SCUBE2: variants seen among roughly 807,000 people sequenced by gnomAD.
SCUBE2 encodes the protein signal peptide, CUB domain and EGF like domain containing 2.
A neutral mutation model predicts 125.9 loss-of-function variants in SCUBE2; 114 were observed. The ratio of observed to expected loss-of-function variants is 0.91; its 90% CI spans 0.78 to 1.06. The LOEUF is 1.06. SCUBE2 is among the 50% of genes least tolerant of loss of function. The pLI is 0.00. For synonymous variants in SCUBE2, 459 were observed against 492.9 expected (o/e 0.93, Z 0.91); for missense variants, 1,255 against 1,301.8 (o/e 0.96, Z 0.55).
chr11:9,057,719 G>T (rs1468999276), intron 9 of SCUBE2, among the ~76,000 whole-genome samples: 4 of 152,038 alleles, frequency 2.6e-5, no homozygotes, highest in Admixed American at 6.5e-5. Context: ...TTTTAGTAGA[G>T]ACGGGGTTTT....
At chr11:9,067,813 A>G (rs1399334678) in intron 5 of SCUBE2, among the ~76,000 whole-genome samples, 2 of 152,242 alleles carry the variant, frequency 1.3e-5, no homozygotes. Context: ...GAGCAGTGAT[A>G]TCTTAAAGAC....
intron 4 of SCUBE2, among the ~76,000 whole-genome samples, chr11:9,071,350 G>C (rs771838029): frequency 6.6e-6 from 1 of 152,192 alleles, no homozygotes; most frequent in Non-Finnish European, 1.5e-5. Context: ...TATGCCAGAT[G>C]CCATTGTGAT....
At chr11:9,057,517 A>ATTTTTTTTT (rs1207923998) in intron 9 of SCUBE2, 1 of 131,226 alleles carries the variant, frequency 7.6e-6, no homozygotes, top group Admixed American at 7.9e-5. Flanking sequence ...TTTAATTCTG[A>ATTTTTTTTT]TTTTTTTTTT....
intron 13 of SCUBE2, among the ~76,000 whole-genome samples, chr11:9,052,497 C>T (rs1361861145): frequency 6.6e-6 from 1 of 152,236 alleles, no homozygotes; most frequent in Non-Finnish European, 1.5e-5. Flanking sequence ...GGCCTCTGCC[C>T]AGGGTGATGA....
intron 16 of SCUBE2, among the ~76,000 whole-genome samples, chr11:9,044,981 C>T (rs965522058): frequency 2.6e-4 from 40 of 152,314 alleles, no homozygotes; most frequent in African/African-American, 9.4e-4. Flanking sequence ...ATTCCACTTC[C>T]CTGCAGCCCT....
intron 2 of SCUBE2, among the ~76,000 whole-genome samples, chr11:9,087,551 G>A (rs145893006): frequency 4.0e-4 from 61 of 152,144 alleles, no homozygotes; most frequent in Middle Eastern, 6.8e-3. Flanking sequence ...GAGAGAGAGC[G>A]TGAGCTACTT....
At chr11:9,060,262 G>C (rs1273472121) in intron 8 of SCUBE2, 146 bp downstream of exon 8, 2 of 623,944 alleles carry the variant, frequency 3.2e-6, no homozygotes, top group African/African-American at 1.8e-5. Flanking sequence ...AGCCCAGGGG[G>C]AAAAAGCTCC....
intron 16 of SCUBE2, among the ~76,000 whole-genome samples, chr11:9,036,399 T>C (rs2046950957): frequency 6.6e-6 from 1 of 152,212 alleles, no homozygotes; most frequent in Non-Finnish European, 1.5e-5. Flanking sequence ...ACTCACGTTT[T>C]ACCCTGTGTC....
At chr11:9,059,963 A>G (rs1034387365) in intron 8 of SCUBE2, among the ~76,000 whole-genome samples, 1 of 152,220 alleles carries the variant, frequency 6.6e-6, no homozygotes, top group Admixed American at 6.5e-5. Flanking sequence ...CCCATGAAAT[A>G]TGAGCAAGTC....
At chr11:9,063,617 T>C (rs1393792372) in intron 7 of SCUBE2, among the ~76,000 whole-genome samples, 4 of 152,334 alleles carry the variant, frequency 2.6e-5, no homozygotes, top group Non-Finnish European at 2.9e-5. Flanking sequence ...TATAAAGGCA[T>C]TTTCAGGCAT....
intron 10 of SCUBE2, among the ~76,000 whole-genome samples, chr11:9,054,701 GTA>G (rs1210852364): frequency 0.026 from 1,346 of 50,972 alleles, 66 homozygotes; most frequent in Admixed American, 0.03. Context: ...AAGCACTAGT[GTA>G]TATATATATA....
rs775303789 is a variant in SCUBE2, at chr11:9,033,657, G to T, written c.2142C>A (p.Thr714=). The T allele has an allele frequency of 1.2e-5, 20 of 1,614,038 alleles. 1 individual carries two copies. The South Asian group carries it at 2.1e-4, about 17-fold the overall frequency. Reference sequence around the variant, plus strand: ...ATTCAGACATATTCCAAGCTTCTGGGGTCTTCAGGGCCCCAGAATTTCCTG... The same window carrying T: ...ATTCAGACATATTCCAAGCTTCTGGTGTCTTCAGGGCCCCAGAATTTCCTG... ...PRPGNSGALK[T]PEAWNMSECG... The change falls in exon 17 of 23, where the codon ACC becomes ACA. Residue 714 remains threonine, a synonymous_variant. Coordinates refer to ENST00000649792, the MANE Select transcript of SCUBE2 (RefSeq NM_001367977.2).
At chr11:9,025,560 C>G in intron 21 of SCUBE2, 142 bp downstream of exon 21, 1 of 993,700 alleles carries the variant, frequency 1.0e-6, no homozygotes, top group Non-Finnish European at 1.5e-6. Context: ...AAATTTGGCA[C>G]TTGTGAGTCA....
At chr11:9,055,365 C>G (rs554371156) in intron 10 of SCUBE2, among the ~76,000 whole-genome samples, 22 of 152,286 alleles carry the variant, frequency 1.4e-4, no homozygotes, top group Admixed American at 6.5e-4. Flanking sequence ...GGACTCAAAC[C>G]AAGGCTTTGC....
rs1329309195 is a variant in SCUBE2 at position 9,074,617 on chromosome 11, T to C, written c.383-2A>G. The C allele has an allele frequency of 1.9e-6, 3 of 1,614,026 alleles. No individual in the cohort carries two copies. The highest frequency in any genetic ancestry group is 3.3e-5 in the Admixed American group (2 of 60,008). On this transcript the variant is annotated splice_acceptor_variant, in intron 3 of 22. Coordinates refer to ENST00000649792, the MANE Select transcript of SCUBE2 (RefSeq NM_001367977.2). LOFTEE classifies it high-confidence loss of function. The stretch of plus-strand genomic sequence containing the variant: ...TGTTCTCCAGGCACTCGTCCACATC[T>C]GGAAGGAGAGAGGGATTAGCCTTTG...
chr11:9,075,523 G>T (rs1861147645), intron 3 of SCUBE2, among the ~76,000 whole-genome samples: 1 of 152,174 alleles, frequency 6.6e-6, no homozygotes, highest in Non-Finnish European at 1.5e-5. Context: ...CATGAGGGAG[G>T]TTACAGGAGA....
intron 7 of SCUBE2, among the ~76,000 whole-genome samples, chr11:9,063,289 A>C (rs1242140094): frequency 6.6e-6 from 1 of 152,136 alleles, no homozygotes; most frequent in Non-Finnish European, 1.5e-5. Flanking sequence ...AAAGAATGTA[A>C]GAAAATTTCT....
At chr11:9,040,869 T>G (rs1051412678) in intron 16 of SCUBE2, among the ~76,000 whole-genome samples, 1 of 152,222 alleles carries the variant, frequency 6.6e-6, no homozygotes, top group Admixed American at 6.5e-5. Context: ...AATTTTCCAT[T>G]TGATATTCTT....
intron 16 of SCUBE2, among the ~76,000 whole-genome samples, chr11:9,044,837 A>G (rs1042960065): frequency 1.3e-5 from 2 of 152,072 alleles, no homozygotes; most frequent in African/African-American, 2.4e-5. Context: ...AGATATCTCC[A>G]TAGCTTGCTT....
Sources: allele counts gnomAD v4.1 joint callset (sites outside exome capture counted in the v4.1 genomes callset), GRCh38; gene constraint gnomAD v4.1.1; transcripts MANE v1.5; gene names NCBI Gene and HGNC (gene_info 2026-07-23, HGNC 2026-07-21).